Variants in LINGO3 observed in about 807,000 individuals in gnomAD.
The protein encoded by LINGO3 is leucine-rich repeat and immunoglobulin-like domain-containing nogo receptor-interacting protein 3.
For missense variants in LINGO3, 750 were observed against 867.7 expected, an observed-to-expected ratio of 0.86 and a Z score of 1.70; for synonymous variants, 427 against 444.2, an observed-to-expected ratio of 0.96 and a Z score of 0.49.
the LINGO3 span, among the ~76,000 whole-genome samples, chr19:2,298,076 A>G: frequency 8.6e-5 from 13 of 151,618 alleles, no homozygotes; most frequent in Non-Finnish European, 1.5e-4. Context: ...TTTAGTAGAG[A>G]TGGGGTTTCA....
At chr19:2,305,026 G>A in the LINGO3 span, among the ~76,000 whole-genome samples, 1 of 152,142 alleles carries the variant, frequency 6.6e-6, no homozygotes, top group East Asian at 1.9e-4. Flanking sequence ...CTGGTTTTAC[G>A]CCAGTGAGGC....
chr19:2,302,599 C>G, the LINGO3 span, among the ~76,000 whole-genome samples: 1 of 152,158 alleles, frequency 6.6e-6, no homozygotes, highest in East Asian at 1.9e-4. Flanking sequence ...CCGGACTGCC[C>G]GTCTGCCCCT....
At chr19:2,303,431 G>T in the LINGO3 span, among the ~76,000 whole-genome samples, 1 of 152,138 alleles carries the variant, frequency 6.6e-6, no homozygotes, top group Non-Finnish European at 1.5e-5. Flanking sequence ...CTGAGACCTG[G>T]ATGGGGAGCC....
the LINGO3 span, among the ~76,000 whole-genome samples, chr19:2,305,516 T>C: frequency 1.3e-5 from 2 of 152,104 alleles, no homozygotes; most frequent in South Asian, 4.1e-4. Context: ...CCCCCGGCCC[T>C]TCCAATCCGC....
chr19:2,304,004 C>G, the LINGO3 span, among the ~76,000 whole-genome samples: 3 of 152,186 alleles, frequency 2.0e-5, no homozygotes, highest in African/African-American at 7.2e-5. Flanking sequence ...CTGGGCTGAG[C>G]GAGTGAGAAG....
chr19:2,297,376 T>C, the LINGO3 span, among the ~76,000 whole-genome samples: 14 of 142,142 alleles, frequency 9.8e-5, no homozygotes, highest in East Asian at 2.4e-4. Context: ...ATGATCTCTG[T>C]TCACTGCAAC....
chr19:2,297,303 CCTT>C, the LINGO3 span, among the ~76,000 whole-genome samples: 3 of 139,690 alleles, frequency 2.1e-5, no homozygotes, highest in East Asian at 6.2e-4. Flanking sequence ...TCCCTCCCCC[CCTT>C]TTTTTTTTTT....
At chr19:2,289,217 TTC>T (rs2025493376), downstream of LINGO3, among the ~76,000 whole-genome samples, 1 of 145,564 alleles carries the variant, frequency 6.9e-6, no homozygotes, top group Non-Finnish European at 1.5e-5. Context: ...TGAGCTGTGT[TTC>T]CCGGGTGTAA....
upstream of LINGO3, among the ~76,000 whole-genome samples, chr19:2,292,858 C>T (rs1006240978): frequency 7.2e-5 from 11 of 151,980 alleles, no homozygotes; most frequent in Admixed American, 3.3e-4. Context: ...CATTCACAGC[C>T]GCATCTGTAA....
At chr19:2,305,454 C>T in the LINGO3 span, among the ~76,000 whole-genome samples, 1 of 152,074 alleles carries the variant, frequency 6.6e-6, no homozygotes, top group East Asian at 1.9e-4. Context: ...GTGGCCCTAC[C>T]CTCTTGGTGC....
upstream of LINGO3, among the ~76,000 whole-genome samples, chr19:2,293,575 G>C (rs907725381): frequency 2.7e-5 from 4 of 146,460 alleles, no homozygotes; most frequent in African/African-American, 1.0e-4. Context: ...GGCCAGGCTG[G>C]TCTTGAACTC....
chr19:2,295,769 C>G (rs1205905925), upstream of LINGO3, among the ~76,000 whole-genome samples: 1 of 152,046 alleles, frequency 6.6e-6, no homozygotes, highest in African/African-American at 2.4e-5. Context: ...GGTGAAACGC[C>G]AAACTGAATT....
At chr19:2,299,069 C>G in the LINGO3 span, among the ~76,000 whole-genome samples, 10 of 152,284 alleles carry the variant, frequency 6.6e-5, no homozygotes, top group East Asian at 1.7e-3. Flanking sequence ...TCCGGGGCAC[C>G]CTCCAAGCTC....
Position 2,290,697 on chromosome 19 carries a change from C to T in LINGO3, c.1080G>A (p.Leu360=), listed in dbSNP as rs757609759. 6.2e-7 allele frequency: 1 copy of T among 1,611,618 alleles called. No individual in the cohort carries two copies. Among genetic ancestry groups the T allele is most frequent in the African/African-American group, 1.3e-5 (1 of 74,924 alleles). Residue 360 remains leucine, a synonymous_variant, in exon 1 of 1, where the codon CTG becomes CTA. Transcript: ENST00000585527. The surrounding 1 kb of genome is among the most constrained non-coding windows in gnomAD (Gnocchi z 6.0). ...TCTTGCGACGCTGCACGATCCACAG[C>T]AGGCGACAGTCGCAGGCCAGCGGGT...
At chr19:2,306,834 C>A in the LINGO3 span, among the ~76,000 whole-genome samples, 3 of 152,106 alleles carry the variant, frequency 2.0e-5, no homozygotes, top group Non-Finnish European at 4.4e-5. Flanking sequence ...ACAGGGGAAG[C>A]CCGTGGGTTC....
At chr19:2,305,914 C>T in the LINGO3 span, among the ~76,000 whole-genome samples, 1 of 152,222 alleles carries the variant, frequency 6.6e-6, no homozygotes, top group Admixed American at 6.5e-5. Flanking sequence ...CATCCTCTGC[C>T]CTAGATCCAG....
At position 2,291,260 on chromosome 19, in the gene LINGO3, GC is replaced by G. The variant is rs1341636184; in HGVS notation, c.516del (p.Leu173CysfsTer7). On this transcript the variant is annotated frameshift_variant, in exon 1 of 1. Transcript: ENST00000585527. LOFTEE classifies it low-confidence loss of function (END_TRUNC). The stretch of plus-strand genomic sequence containing the variant: ...AGGGTCAGCTCCTCCAGGGCCAGCA[GC>G]CCCGCGAAGGCGCGGCGCGAGACGA... 3.1e-6 allele frequency: 5 copies of G among 1,612,234 alleles called. No homozygotes were observed. The highest frequency in any genetic ancestry group is 4.2e-6 in the Non-Finnish European group (5 of 1,179,506).
upstream of LINGO3, chr19:2,292,114 G>T: frequency 2.9e-6 from 1 of 342,396 alleles, no homozygotes; most frequent in Admixed American, 4.2e-5. Flanking sequence ...CTTGGGCCCA[G>T]GAGGTGGAGG....
At chr19:2,297,084 T>G in the LINGO3 span, among the ~76,000 whole-genome samples, 1 of 150,502 alleles carries the variant, frequency 6.6e-6, no homozygotes, top group Non-Finnish European at 1.5e-5. Flanking sequence ...AGAGCGAGAC[T>G]CCGTCTCAAA....
Sources: gnomAD v4.1 joint callset for allele counts (sites outside exome capture counted in the v4.1 genomes callset) on GRCh38, gnomAD v4.1.1 for gene constraint, Gnocchi (gnomAD v3.1) non-coding constraint, MANE v1.5 for transcripts, NCBI Gene and HGNC (gene_info 2026-07-23, HGNC 2026-07-21) for gene names.